The following PDE4DIP variants were observed in gnomAD, a reference collection of about 807,000 sequenced individuals.
PDE4DIP encodes myomegalin.
A neutral mutation model predicts 221.4 loss-of-function variants in PDE4DIP; 59 were observed. That is an observed-to-expected ratio of 0.27 (90% confidence interval 0.22 to 0.33). The LOEUF (loss-of-function observed/expected upper bound fraction) is 0.33. PDE4DIP is among the 10% of genes least tolerant of loss of function. The pLI is 1.00. For synonymous variants in PDE4DIP, 404 were observed against 815.9 expected (o/e 0.50, Z 8.60); for missense variants, 1,036 against 2,154.2 (o/e 0.48, Z 10.28).
At chr1:148,917,294 A>G (rs1573348036) in intron 1 of PDE4DIP, among the ~76,000 whole-genome samples, 1 of 149,874 alleles carries the variant, frequency 6.7e-6, no homozygotes, top group South Asian at 2.1e-4. Context: ...TGTGAATACC[A>G]CAGCAGAATG....
chr1:149,017,830 C>A (rs1575454397), exon 34 of PDE4DIP: 1 of 1,613,628 alleles, frequency 6.2e-7, no homozygotes, highest in Non-Finnish European at 8.5e-7. Context: ...TCAATGACCG[C>A]CTACGGGAGC....
intron 41 of PDE4DIP, 147 bp from the exon 45 acceptor site, chr1:149,029,640 G>A (rs1166821843): frequency 4.3e-6 from 3 of 690,896 alleles, no homozygotes; most frequent in African/African-American, 3.6e-5. Context: ...GTCCTCAGCT[G>A]GAGGTATCCG....
chr1:148,964,399 C>T (rs1330398895), intron 9 of PDE4DIP, among the ~76,000 whole-genome samples: 9 of 152,098 alleles, frequency 5.9e-5, no homozygotes, highest in South Asian at 2.1e-4. Context: ...TGAGCCACCA[C>T]GCTGGGCCAA....
chr1:148,918,711 C>A (rs56209417), intron 1 of PDE4DIP, among the ~76,000 whole-genome samples: 2 of 140,280 alleles, frequency 1.4e-5, no homozygotes, highest in Non-Finnish European at 3.1e-5. Flanking sequence ...TCCATGGTCT[C>A]AGTGCTTACT....
chr1:148,999,423 T>C (rs2065093066), intron 23 of PDE4DIP, among the ~76,000 whole-genome samples: 1 of 152,246 alleles, frequency 6.6e-6, no homozygotes, highest in Admixed American at 6.5e-5. Flanking sequence ...CCTCATGTCG[T>C]TGTTTCATAG....
chr1:148,859,355 G>C (rs1682967314), intron 1 of PDE4DIP, among the ~76,000 whole-genome samples: 2 of 148,016 alleles, frequency 1.4e-5, no homozygotes, highest in African/African-American at 5.0e-5. Context: ...GAAAATATGA[G>C]TGATATACCA....
chr1:148,978,469 T>C (rs2060568130), intron 19 of PDE4DIP, 54 bp downstream of exon 22: 1 of 842,234 alleles, frequency 1.2e-6, no homozygotes, highest in Non-Finnish European at 1.7e-6. Context: ...TTTGTATTCT[T>C]TTTTTTTTTT....
At chr1:148,978,953 C>T (rs1553540024) in intron 19 of PDE4DIP, among the ~76,000 whole-genome samples, 1 of 151,758 alleles carries the variant, frequency 6.6e-6, no homozygotes, top group Non-Finnish European at 1.5e-5. Flanking sequence ...ATAGTTATCC[C>T]TCACACTCAT....
chr1:148,975,125 C>T (rs1437795153), intron 17 of PDE4DIP, among the ~76,000 whole-genome samples: 2 of 147,490 alleles, frequency 1.4e-5, no homozygotes, highest in Admixed American at 6.7e-5. Context: ...GAGCTGAGAT[C>T]GTGCCATCAC....
At chr1:149,030,199 T>A in intron 42 of PDE4DIP, 33 bp from the exon 46 acceptor site, 4 of 1,401,554 alleles carry the variant, frequency 2.9e-6, no homozygotes, top group Non-Finnish European at 3.9e-6. Flanking sequence ...CTGCTGGTGG[T>A]TTCTACTCTG....
At chr1:148,987,798 T>C (rs1198767519) in intron 21 of PDE4DIP, among the ~76,000 whole-genome samples, 1 of 152,006 alleles carries the variant, frequency 6.6e-6, no homozygotes, top group African/African-American at 2.4e-5. Context: ...CCAGGTGTGG[T>C]GGCATGCACC....
rs1240399458 is a variant in PDE4DIP at position 149,023,660 on chromosome 1, A to G, written c.6086-785A>G. On this transcript the variant is annotated intron_variant, in intron 37 of 43. Coordinates refer to ENST00000369354, the Ensembl canonical transcript of PDE4DIP. ...TGTGCACATATATATGTACATGTAT[A>G]TGTGTGCACATATATATGTACATGT... Among the ~76,000 whole-genome samples the G allele has an allele frequency of 2.4e-3, 212 of 89,106 alleles. 6 individuals are homozygous for G. Among genetic ancestry groups the G allele is most frequent in the African/African-American group, 6.3e-3 (150 of 23,754 alleles). 58.5% of individuals were successfully genotyped at this position (89,106 alleles called of 152,430 possible).
exon 33 of PDE4DIP, chr1:149,016,320 C>T (rs782574379): frequency 1.2e-6 from 2 of 1,613,226 alleles, no homozygotes; most frequent in Non-Finnish European, 8.5e-7. Context: ...GTTCCTCCTG[C>T]TTCCACAGCT....
intron 1 of PDE4DIP, among the ~76,000 whole-genome samples, chr1:148,916,142 CAT>C (rs1459226373): frequency 1.3e-5 from 2 of 151,702 alleles, no homozygotes; most frequent in Non-Finnish European, 2.9e-5. Context: ...CTGATGGCCA[CAT>C]TAAAAAAAGT....
intron 27 of PDE4DIP, among the ~76,000 whole-genome samples, chr1:149,006,108 G>A (rs1553597632): frequency 6.6e-6 from 1 of 152,190 alleles, no homozygotes; most frequent in East Asian, 1.9e-4. Flanking sequence ...ACTCCAGCCT[G>A]GGTGACAGAG....
upstream of PDE4DIP, among the ~76,000 whole-genome samples, chr1:148,887,356 CCTGTAATCCCAG>C (rs1553431774): frequency 2.7e-5 from 4 of 150,706 alleles, no homozygotes. Context: ...GTGGCTCATG[CCTGTAATCCCAG>C]CACTTTGGGA....
At chr1:148,828,682 A>G (rs1463648350) in intron 1 of PDE4DIP, among the ~76,000 whole-genome samples, 4 of 150,756 alleles carry the variant, frequency 2.7e-5, no homozygotes, top group African/African-American at 7.3e-5. Flanking sequence ...CCCTTTCCAG[A>G]AATTTACATA....
chr1:148,963,900 CTGG>C (rs1476251669), intron 9 of PDE4DIP, among the ~76,000 whole-genome samples: 1 of 147,922 alleles, frequency 6.8e-6, no homozygotes, highest in Non-Finnish European at 1.5e-5. Context: ...ACTACAGGCA[CTGG>C]CCGCCACCAC....
At chr1:148,997,849 C>A (rs1157335232) in intron 22 of PDE4DIP, among the ~76,000 whole-genome samples, 1 of 152,274 alleles carries the variant, frequency 6.6e-6, no homozygotes, top group Non-Finnish European at 1.5e-5. Flanking sequence ...AGTCCTGTTT[C>A]AACCTCGTTT....
Sources: gnomAD v4.1 joint callset for allele counts (sites outside exome capture counted in the v4.1 genomes callset) on GRCh38, gnomAD v4.1.1 for gene constraint, MANE v1.5 for transcripts, NCBI Gene and HGNC (gene_info 2026-07-23, HGNC 2026-07-21) for gene names.